Variants in NRXN3 observed in about 807,000 individuals in gnomAD.
NRXN3 encodes neurexin 3.
In NRXN3, 32 loss-of-function variants were observed where a neutral mutation model predicts 137.6. The observed-to-expected ratio is 0.23, with a 90% CI of 0.18 to 0.31. The LOEUF is 0.31. Ranked by LOEUF, NRXN3 falls within the 10% of genes least tolerant of loss-of-function variation. NRXN3 has a pLI of 1.00. For missense variants in NRXN3, 1,574 were observed against 2,062.5 expected (o/e 0.76, Z 4.59); for synonymous variants, 798 against 784.5 (o/e 1.02, Z -0.29).
intron 19 of NRXN3, among the ~76,000 whole-genome samples, chr14:79,766,605 C>T (rs1247076030): frequency 6.6e-6 from 1 of 152,188 alleles, no homozygotes; most frequent in African/African-American, 2.4e-5. Context: ...TTGCTGGCTT[C>T]CTTCCTGGTA....
At chr14:78,649,795 T>C (rs1185515496) in intron 5 of NRXN3, among the ~76,000 whole-genome samples, 1 of 152,028 alleles carries the variant, frequency 6.6e-6, no homozygotes, top group Non-Finnish European at 1.5e-5. Context: ...ACAGGTGATC[T>C]GGGGAGGAAA....
chr14:78,572,723 C>A (rs1336642085), intron 4 of NRXN3, among the ~76,000 whole-genome samples: 2 of 152,176 alleles, frequency 1.3e-5, no homozygotes, highest in Admixed American at 1.3e-4. Flanking sequence ...AGTTTTCTAT[C>A]CTTCCAACTA....
At chr14:79,819,136 T>C (rs1375895833) in intron 20 of NRXN3, among the ~76,000 whole-genome samples, 1 of 152,210 alleles carries the variant, frequency 6.6e-6, no homozygotes, top group Non-Finnish European at 1.5e-5. Context: ...ACTTTTTTTC[T>C]GTAAGGGCTG....
chr14:78,196,015 G>A (rs2061193380), intron 1 of NRXN3, among the ~76,000 whole-genome samples: 1 of 152,200 alleles, frequency 6.6e-6, no homozygotes. Context: ...TCTGTATGAC[G>A]AACCCGCTGT....
In NRXN3 at chr14:78,792,257, C is replaced by CAA. The variant is rs140968788; in HGVS notation, c.2045-11338_2045-11337dup. 3.3e-3 allele frequency among the ~76,000 whole-genome samples: 64 copies of CAA among 19,456 alleles called. 3 individuals carry two copies. Among genetic ancestry groups the CAA allele is most frequent in the African/African-American group, 0.016 (58 of 3,610 alleles). The allele number at this position is 19,456 out of a possible 152,430, so 12.8% of individuals were successfully genotyped here. A position where few individuals can be genotyped will look rare whatever the true frequency, so the allele number is the denominator to read the frequency against. On this transcript the variant is annotated intron_variant, in intron 8 of 20. Transcript: ENST00000335750. ...GAAAAGGGAGATTGTAGACTAAAGG[C>CAA]AAAAAAAAAAAAAAAAAAAAAAAAA...
intron 1 of NRXN3, chr14:78,231,631 G>A (rs1486777505): frequency 6.6e-6 from 1 of 151,554 alleles, no homozygotes; most frequent in Non-Finnish European, 1.5e-5. Flanking sequence ...TTGGAAGTGA[G>A]GAGCTGAGAT....
At chr14:79,678,095 C>T (rs1448691524) in intron 17 of NRXN3, among the ~76,000 whole-genome samples, 1 of 152,092 alleles carries the variant, frequency 6.6e-6, no homozygotes, top group East Asian at 1.9e-4. Context: ...CCTCTTCTGG[C>T]TTCGATTCTT....
intron 15 of NRXN3, among the ~76,000 whole-genome samples, chr14:79,360,053 C>T (rs528471094): frequency 7.9e-5 from 12 of 152,222 alleles, no homozygotes; most frequent in African/African-American, 2.9e-4. Context: ...CCCATTGAGG[C>T]TACACAATTA....
intron 4 of NRXN3, among the ~76,000 whole-genome samples, chr14:78,381,857 ATTCT>A (rs2089187922): frequency 6.6e-6 from 1 of 152,220 alleles, no homozygotes; most frequent in Non-Finnish European, 1.5e-5. Flanking sequence ...ATATGATTTC[ATTCT>A]TTATTCTTTC....
chr14:79,635,271 A>C (rs781405912), intron 16 of NRXN3, among the ~76,000 whole-genome samples: 9 of 152,184 alleles, frequency 5.9e-5, no homozygotes, highest in Non-Finnish European at 1.0e-4. Flanking sequence ...GAAAACCAGT[A>C]AGCAAATGCA....
chr14:79,248,164 A>T (rs1354775851), intron 15 of NRXN3, among the ~76,000 whole-genome samples: 2 of 152,132 alleles, frequency 1.3e-5, no homozygotes, highest in Non-Finnish European at 2.9e-5. Context: ...TTCTGCCTCC[A>T]CTTAAAACCC....
chr14:79,823,463 C>T (rs531251690), intron 20 of NRXN3, among the ~76,000 whole-genome samples: 2 of 152,214 alleles, frequency 1.3e-5, no homozygotes, highest in South Asian at 4.2e-4. Context: ...ATAGTTCCAG[C>T]TACTTGGGAT....
chr14:78,628,023 T>C (rs1460704357), intron 4 of NRXN3, among the ~76,000 whole-genome samples: 1 of 151,494 alleles, frequency 6.6e-6, no homozygotes, highest in Non-Finnish European at 1.5e-5. Context: ...TCTTCTGGAA[T>C]GGGAAAAAGA....
At chr14:78,534,422 AT>A (rs1276167403) in intron 4 of NRXN3, among the ~76,000 whole-genome samples, 17 of 152,334 alleles carry the variant, frequency 1.1e-4, no homozygotes, top group Admixed American at 1.1e-3. Context: ...ATAAAATAAG[AT>A]TTTAAAGAAT....
intron 19 of NRXN3, among the ~76,000 whole-genome samples, chr14:79,733,889 C>T (rs941401036): frequency 6.6e-6 from 1 of 152,130 alleles, no homozygotes; most frequent in Non-Finnish European, 1.5e-5. Flanking sequence ...CATTCACTTG[C>T]CTGCTTGCTC....
intron 15 of NRXN3, among the ~76,000 whole-genome samples, chr14:79,235,811 G>A (rs2073253092): frequency 6.6e-6 from 1 of 151,864 alleles, no homozygotes; most frequent in African/African-American, 2.4e-5. Context: ...TGTAATGAAT[G>A]ACTCTGAGTA....
chr14:79,594,802 A>G (rs903927365), intron 16 of NRXN3, among the ~76,000 whole-genome samples: 2 of 152,130 alleles, frequency 1.3e-5, no homozygotes, highest in African/African-American at 4.8e-5. Context: ...CAAATGATGA[A>G]GTATAGTTTT....
chr14:78,384,269 G>A (rs994641132), intron 4 of NRXN3, among the ~76,000 whole-genome samples: 2 of 151,958 alleles, frequency 1.3e-5, no homozygotes, highest in South Asian at 2.1e-4. Context: ...AGCCTGTCAC[G>A]TGTCTATGCC....
intron 15 of NRXN3, among the ~76,000 whole-genome samples, chr14:79,316,294 A>C (rs1312816756): frequency 2.0e-5 from 3 of 152,242 alleles, no homozygotes; most frequent in Non-Finnish European, 4.4e-5. Flanking sequence ...AGAAAAAAGA[A>C]TGTACTTAGA....
Sources: allele counts gnomAD v4.1 joint callset (sites outside exome capture counted in the v4.1 genomes callset), GRCh38; gene constraint gnomAD v4.1.1; transcripts MANE v1.5; gene names NCBI Gene and HGNC (gene_info 2026-07-23, HGNC 2026-07-21).